The following MVB12A variants were observed in gnomAD, a reference collection of about 807,000 sequenced individuals.
The protein encoded by MVB12A is CIN85/CD2AP family binding protein.
In MVB12A, 30 loss-of-function variants were observed where a neutral mutation model predicts 34.3. The observed-to-expected ratio is 0.88, with a 90% CI of 0.65 to 1.19. The LOEUF (loss-of-function observed/expected upper bound fraction) is 1.19, where lower values mean the gene tolerates loss of function less well. Ranked by LOEUF, MVB12A falls within the 50% of genes most tolerant of loss-of-function variation. The pLI, the probability that MVB12A is intolerant of heterozygous loss-of-function variation, is 0.00. For synonymous variants in MVB12A, 158 were observed against 158.9 expected (o/e 0.99, Z 0.04); for missense variants, 355 against 369.2 (o/e 0.96, Z 0.31).
intron 2 of MVB12A, chr19:17,406,351 T>A (rs1335148313): frequency 6.6e-6 from 1 of 152,150 alleles, no homozygotes; most frequent in African/African-American, 2.4e-5. Context: ...AGGGCCAGCC[T>A]CAGACACTGT....
intron 2 of MVB12A, among the ~76,000 whole-genome samples, chr19:17,407,928 C>T (rs904924919): frequency 1.3e-5 from 2 of 152,250 alleles, no homozygotes; most frequent in South Asian, 2.1e-4. Context: ...CTGGCGTCAC[C>T]GCTAGACCAA....
chr19:17,407,632 C>A (rs1230385720), intron 2 of MVB12A, among the ~76,000 whole-genome samples: 1 of 152,176 alleles, frequency 6.6e-6, no homozygotes, highest in African/African-American at 2.4e-5. Flanking sequence ...CTACTGCTAT[C>A]TAGAAGGCAG....
At chr19:17,411,245 C>T (rs544060003) in intron 2 of MVB12A, among the ~76,000 whole-genome samples, 6 of 151,968 alleles carry the variant, frequency 3.9e-5, no homozygotes, top group Admixed American at 2.0e-4. Context: ...GGATTACAGG[C>T]GTGAGCCACC....
chr19:17,410,529 T>TATATATATATATATATACACAC, intron 2 of MVB12A, among the ~76,000 whole-genome samples: 4 of 74,448 alleles, frequency 5.4e-5, no homozygotes, highest in African/African-American at 2.6e-4. Context: ...TATATATATA[T>TATATATATATATATATACACAC]ACACACACAC....
chr19:17,414,270 G>T (rs2074786071), intron 2 of MVB12A: 2 of 142,010 alleles, frequency 1.4e-5, no homozygotes, highest in Non-Finnish European at 3.0e-5. Flanking sequence ...TACAGAACAA[G>T]ACTCTGTCTC....
At chr19:17,420,772 CAG>C (rs897278049) in intron 3 of MVB12A, 138 bp downstream of exon 3, 4 of 652,934 alleles carry the variant, frequency 6.1e-6, no homozygotes, top group Non-Finnish European at 1.1e-5. Context: ...GCTGAGGACT[CAG>C]AGCCCTGCCC....
chr19:17,424,714 T>A, intron 8 of MVB12A, 37 bp downstream of exon 8: 1 of 1,572,530 alleles, frequency 6.4e-7, no homozygotes, highest in Non-Finnish European at 8.6e-7. Flanking sequence ...GGTGCAGGGC[T>A]AGGGAGGAGG....
upstream of MVB12A, among the ~76,000 whole-genome samples, chr19:17,416,717 C>CCCT (rs2074801851): frequency 7.1e-6 from 1 of 140,516 alleles, no homozygotes; most frequent in African/African-American, 2.7e-5. Flanking sequence ...CTCAACCACC[C>CCCT]TTTTTTTTTT....
chr19:17,417,162 C>A, upstream of MVB12A: 1 of 223,096 alleles, frequency 4.5e-6, no homozygotes, highest in Non-Finnish European at 9.3e-6. Flanking sequence ...GCCTTAGTGA[C>A]GTCAACCTGC....
chr19:17,408,829 CT>C (rs60162893), intron 2 of MVB12A, among the ~76,000 whole-genome samples: 23,909 of 120,218 alleles, frequency 0.2, 1,861 homozygotes, highest in Middle Eastern at 0.33. Flanking sequence ...TCTGCCATTA[CT>C]TTTTTTTTTT....
chr19:17,420,535 C>G lies in MVB12A; in HGVS notation c.190-3C>G, dbSNP rs756712902. 2.2e-5 allele frequency: 36 copies of G among 1,612,880 alleles called. No individual in the cohort carries two copies. The Admixed American group carries it at 5.5e-4, about 25-fold the overall frequency. On this transcript the variant is annotated splice_region_variant and splice_polypyrimidine_tract_variant and intron_variant, in intron 2 of 8. Transcript: ENST00000317040. The stretch of plus-strand genomic sequence containing the variant: ...CCTCGCCGTGTCCCCCTTCCACCCC[C>G]AGAACCCGCAGGAGAACGTGGTGGC...
rs543661059 is a variant in MVB12A, at chr19:17,410,734, G to C, written c.-5+4438G>C. Among the ~76,000 whole-genome samples, 378 of 146,204 alleles carry C rather than the reference G, an allele frequency of 2.6e-3. 1 individual carries two copies. Among genetic ancestry groups the C allele is most frequent in the African/African-American group, 8.8e-3 (355 of 40,270 alleles). On this transcript the variant is annotated intron_variant, in intron 2 of 6. Coordinates refer to the MVB12A transcript ENST00000528604. ...ACCTGACGTCAGGAGTTCGAGACCA[G>C]CCTGGCCAACATGGTGAAACCCTGT...
Position 17,425,060 on chromosome 19 carries a change from T to G in MVB12A, c.*67T>G. 1.8e-6 allele frequency: 1 copy of G among 550,846 alleles called. No homozygotes were observed. The highest frequency in any genetic ancestry group is 3.0e-5 in the South Asian group (1 of 33,238). 34.1% of individuals were successfully genotyped at this position (550,846 alleles called of 1,614,324 possible). On this transcript the variant is annotated 3_prime_UTR_variant, in exon 9 of 9. Coordinates refer to ENST00000317040, the MANE Select transcript of MVB12A (RefSeq NM_138401.4). ...CCCGCCAGCCTGGGGCCACCCCCCC[T>G]CACTGCATCCTGGGGCCACCCCCAC...
chr19:17,420,260 G>A, intron 1 of MVB12A, 35 bp downstream of exon 1: 1 of 1,537,060 alleles, frequency 6.5e-7, no homozygotes, highest in Non-Finnish European at 8.7e-7. Context: ...TCGAATGGGG[G>A]AGGCAGTCGC....
Position 17,420,048 on chromosome 19 carries a change from T to G in MVB12A, c.-88T>G. ...CCCCCGCATGGCCTTCTGGGAGTTG[T>G]AGTTCGGTCGCGAGCGCTGCCGTCG... On this transcript the variant is annotated 5_prime_UTR_variant, in exon 1 of 9. Coordinates refer to ENST00000317040, the MANE Select transcript of MVB12A (RefSeq NM_138401.4). 1.0e-4 allele frequency: 40 copies of G among 392,176 alleles called. No homozygotes were observed. The highest frequency in any genetic ancestry group is 4.7e-4 in the East Asian group (4 of 8,532). 24.3% of individuals were successfully genotyped at this position (392,176 alleles called of 1,614,324 possible).
intron 3 of MVB12A, 163 bp from the exon 4 acceptor site, chr19:17,422,169 T>G: frequency 1.8e-6 from 1 of 549,922 alleles, no homozygotes; most frequent in Non-Finnish European, 3.2e-6. Flanking sequence ...CCCTCCTTCA[T>G]CTATACCATT....
At chr19:17,423,414 G>C in intron 4 of MVB12A, 84 bp from the exon 5 acceptor site, 1 of 1,479,692 alleles carries the variant, frequency 6.8e-7, no homozygotes, top group Non-Finnish European at 9.1e-7. Context: ...CTGCATGCCC[G>C]GGTCCCCCGC....
intron 7 of MVB12A, 116 bp downstream of exon 7, chr19:17,424,183 AGT>A: frequency 9.8e-7 from 1 of 1,018,840 alleles, no homozygotes; most frequent in Non-Finnish European, 1.5e-6. Flanking sequence ...TTGGGGCTGG[AGT>A]GTGTCACCTC....
rs138257183 is a variant in MVB12A at position 17,422,413 on chromosome 19, G to A, written c.368G>A (p.Arg123Gln). The change falls in exon 4 of 9, where the codon CGG becomes CAG. Residue 123 changes from arginine (R) to glutamine (Q), a missense_variant. By Grantham distance (43) the Arg-to-Gln change is conservative. Transcript: ENST00000317040. The part of the protein sequence containing the change: ...GATDTAVFDV[R>Q]LSGKTKTVPG... ...ACGGACACGGCTGTGTTTGATGTCC[G>A]GCTGAGTGGGAAGACCAAGACAGTG... 56 of 1,613,390 alleles carry A rather than the reference G, an allele frequency of 3.5e-5. No individual in the cohort carries two copies. The highest frequency in any genetic ancestry group is 1.6e-4 in the South Asian group (15 of 91,028).
Sources: gnomAD v4.1 joint callset for allele counts (sites outside exome capture counted in the v4.1 genomes callset) on GRCh38, gnomAD v4.1.1 for gene constraint, MANE v1.5 for transcripts, NCBI Gene and HGNC (gene_info 2026-07-23, HGNC 2026-07-21) for gene names.